COL4A3: variants seen among roughly 807,000 people sequenced by gnomAD.
COL4A3 encodes collagen type IV alpha 3 chain.
COL4A3 carries 135 observed loss-of-function variants against 217.4 expected under a neutral mutation model. The ratio of observed to expected loss-of-function variants is 0.62; its 90% CI spans 0.54 to 0.72. COL4A3 has a LOEUF of 0.72. COL4A3 is among the 30% of genes least tolerant of loss of function. COL4A3 has a pLI of 0.00. For missense variants in COL4A3, 1,868 were observed against 2,119.9 expected (o/e 0.88, Z 2.33); for synonymous variants, 690 against 736.3 (o/e 0.94, Z 1.02).
rs1389712517 is a variant in COL4A3 at position 227,253,088 on chromosome 2, A to G, written c.646-208A>G. Among the ~76,000 whole-genome samples, 1 of 152,166 alleles carries G rather than the reference A, an allele frequency of 6.6e-6. No homozygotes were observed. Among genetic ancestry groups the G allele is most frequent in the Non-Finnish European group, 1.5e-5 (1 of 68,026 alleles). On this transcript the variant is annotated intron_variant, in intron 11 of 51. Transcript: ENST00000396578. The surrounding 1 kb of genome is among the most constrained non-coding windows in gnomAD (Gnocchi z 4.4). The stretch of plus-strand genomic sequence containing the variant: ...ATGTCAGCATTTGCCATGTTAGGTA[A>G]ATCCCTTAAGCTTTCTGCACCTTAA...
chr2:227,270,097 T>C (rs2071150942), intron 24 of COL4A3, 117 bp downstream of exon 24: 2 of 734,942 alleles, frequency 2.7e-6, no homozygotes, highest in Non-Finnish European at 4.8e-6. Context: ...ACTTAATAGA[T>C]ACCTGTTGAT....
intron 1 of COL4A3, among the ~76,000 whole-genome samples, chr2:227,171,578 T>C (rs2065474685): frequency 6.6e-6 from 1 of 152,168 alleles, no homozygotes; most frequent in Non-Finnish European, 1.5e-5. Context: ...CATCACAAAA[T>C]ACCATAGACT....
chr2:227,244,708 C>T, intron 4 of COL4A3: 1 of 676,232 alleles, frequency 1.5e-6, no homozygotes, highest in South Asian at 1.7e-5. Flanking sequence ...CAAATTGTAC[C>T]TTAGGAATCG....
intron 41 of COL4A3, chr2:227,296,154 T>C (rs561719772): frequency 1.3e-4 from 20 of 152,348 alleles, no homozygotes; most frequent in African/African-American, 4.8e-4. Flanking sequence ...AGTGTAAAAG[T>C]AGACAAGAGC....
intron 21 of COL4A3, chr2:227,264,864 G>C (rs892907279): frequency 1.3e-5 from 2 of 152,220 alleles, no homozygotes; most frequent in Non-Finnish European, 2.9e-5. Context: ...CTCCCTCTGT[G>C]CCTGCTACAC....
chr2:227,272,243 A>G (rs938021496), intron 25 of COL4A3, among the ~76,000 whole-genome samples: 8 of 152,196 alleles, frequency 5.3e-5, no homozygotes, highest in Non-Finnish European at 1.0e-4. Context: ...ATTTTTCTTT[A>G]TAAGTTCTGG....
At chr2:227,293,379 A>G in intron 38 of COL4A3, 62 bp downstream of exon 38, 2 of 1,569,780 alleles carry the variant, frequency 1.3e-6, no homozygotes, top group Non-Finnish European at 8.7e-7. Context: ...GCCCTCCTGA[A>G]ATCATTGTGG....
At chr2:227,255,959 G>C (rs2070139597) in intron 15 of COL4A3, 67 bp from the exon 16 acceptor site, 1 of 1,504,730 alleles carries the variant, frequency 6.6e-7, no homozygotes, top group Non-Finnish European at 9.2e-7. Context: ...TATCACTTAA[G>C]ATTTCCGTAT....
chr2:227,293,805 T>A (rs1416214731), intron 38 of COL4A3: 1 of 470,690 alleles, frequency 2.1e-6, no homozygotes, highest in Non-Finnish European at 4.4e-6. Context: ...GGGGCCCCTG[T>A]TCTTGGCTTG....
intron 38 of COL4A3, chr2:227,293,850 TC>T (rs774052266): frequency 1.3e-4 from 58 of 458,916 alleles, no homozygotes; most frequent in Non-Finnish European, 7.2e-5. Flanking sequence ...TTTCCAAGTG[TC>T]TGAATCTTCT....
At chr2:227,259,569 G>T (rs1263891803) in intron 18 of COL4A3, among the ~76,000 whole-genome samples, 1 of 152,184 alleles carries the variant, frequency 6.6e-6, no homozygotes, top group East Asian at 1.9e-4. Flanking sequence ...CTAATTGAAA[G>T]CCCATAAAAT....
chr2:227,199,539 G>A (rs1364708509), intron 1 of COL4A3, among the ~76,000 whole-genome samples: 2 of 152,198 alleles, frequency 1.3e-5, no homozygotes, highest in African/African-American at 4.8e-5. Context: ...CAAAGAGATT[G>A]ATTTGAAATT....
chr2:227,168,291 C>A (rs559479393), intron 1 of COL4A3, among the ~76,000 whole-genome samples: 1 of 152,148 alleles, frequency 6.6e-6, no homozygotes, highest in Non-Finnish European at 1.5e-5. Flanking sequence ...AGGGTTGTAC[C>A]AACAATGTAC....
At chr2:227,185,373 A>G (rs1421393406) in intron 1 of COL4A3, among the ~76,000 whole-genome samples, 2 of 152,210 alleles carry the variant, frequency 1.3e-5, no homozygotes, top group East Asian at 3.9e-4. Flanking sequence ...GTGTGAGTGC[A>G]CAGTGCTGCT....
intron 27 of COL4A3, 49 bp from the exon 28 acceptor site, chr2:227,277,400 T>A: frequency 9.0e-7 from 1 of 1,112,364 alleles, no homozygotes. Flanking sequence ...TAAAATAAGA[T>A]GAAGGAAAGT....
At chr2:227,212,041 T>C (rs2067344184) in intron 1 of COL4A3, among the ~76,000 whole-genome samples, 1 of 152,176 alleles carries the variant, frequency 6.6e-6, no homozygotes, top group Non-Finnish European at 1.5e-5. Context: ...ATACCTGAGT[T>C]TGGGATAAAT....
chr2:227,215,076 TA>T (rs2067475727), intron 1 of COL4A3, among the ~76,000 whole-genome samples: 1 of 152,172 alleles, frequency 6.6e-6, no homozygotes, highest in Admixed American at 6.5e-5. Context: ...CAACTAAACC[TA>T]AAACTTAGAC....
rs56326869 is a variant in COL4A3 at position 227,257,523 on chromosome 2, T to C, written c.988-80T>C. 29,429 of 1,165,430 alleles carry C rather than the reference T, an allele frequency of 0.025. 533 individuals are homozygous for C. The highest frequency in any genetic ancestry group is 0.051 in the Middle Eastern group (266 of 5,200). The allele number at this position is 1,165,430 out of a possible 1,614,324, so 72.2% of individuals were successfully genotyped here. A position where few individuals can be genotyped will look rare whatever the true frequency, so the allele number is the denominator to read the frequency against. ...CATCTACATATCAATATATTGTTCA[T>C]TTTAACTGTACATCTTGCTTTTTAT... On this transcript the variant is annotated intron_variant, in intron 17 of 51. Coordinates refer to ENST00000396578, the MANE Select transcript of COL4A3 (RefSeq NM_000091.5).
chr2:227,284,360 G>T lies in COL4A3; in HGVS notation c.2881+15G>T. 1.2e-6 allele frequency: 2 copies of T among 1,611,326 alleles called. 1 individual carries two copies. Among genetic ancestry groups the T allele is most frequent in the South Asian group, 2.2e-5 (2 of 90,400 alleles). On this transcript the variant is annotated intron_variant, in intron 34 of 51. Coordinates refer to ENST00000396578, the MANE Select transcript of COL4A3 (RefSeq NM_000091.5). ...AGGTCTCAAAGGTAAAGAATTGCTT[G>T]TTTGGAATCAGGACATCAGAGCTGA... is the stretch of plus-strand genomic sequence containing the variant.
Sources: gnomAD v4.1 joint callset for allele counts (sites outside exome capture counted in the v4.1 genomes callset) on GRCh38, gnomAD v4.1.1 for gene constraint, Gnocchi (gnomAD v3.1) non-coding constraint, MANE v1.5 for transcripts, NCBI Gene and HGNC (gene_info 2026-07-23, HGNC 2026-07-21) for gene names.